The following DCDC2C variants were observed in gnomAD, a reference collection of about 807,000 sequenced individuals.
The protein encoded by DCDC2C is doublecortin domain containing 2C.
A neutral mutation model predicts 45.0 loss-of-function variants in DCDC2C; 44 were observed. The observed-to-expected ratio is 0.98, with a 90% confidence interval of 0.77 to 1.26. DCDC2C has a LOEUF of 1.26. Among genes scored for constraint, DCDC2C ranks in the 50% most tolerant of loss-of-function variants. DCDC2C has a pLI of 0.00. For missense variants in DCDC2C, 447 were observed against 468.9 expected (o/e 0.95, Z 0.43); for synonymous variants, 187 against 178.8 (o/e 1.05, Z -0.37).
chr2:3,837,706 C>G (rs138047912), intron 10 of DCDC2C, among the ~76,000 whole-genome samples: 1 of 42,060 alleles, frequency 2.4e-5, no homozygotes, highest in African/African-American at 7.3e-5. Context: ...GTTTCTCAAG[C>G]GCAACACCAT....
intron 7 of DCDC2C, 69 bp from the exon 8 acceptor site, chr2:3,769,242 C>A: frequency 6.9e-7 from 1 of 1,457,992 alleles, no homozygotes; most frequent in South Asian, 1.2e-5. Context: ...GGGTTTGGGT[C>A]AGGAAATATG....
At chr2:3,798,733 G>A (rs1671029712) in intron 10 of DCDC2C, among the ~76,000 whole-genome samples, 1 of 152,182 alleles carries the variant, frequency 6.6e-6, no homozygotes, top group South Asian at 2.1e-4. Context: ...TTTCTGCCGA[G>A]AGATCTGCTG....
At chr2:3,767,016 C>G (rs1290255157) in intron 6 of DCDC2C, among the ~76,000 whole-genome samples, 1 of 152,192 alleles carries the variant, frequency 6.6e-6, no homozygotes, top group East Asian at 1.9e-4. Context: ...GACGGCGATG[C>G]CAAAAGACTT....
Position 3,703,580 on chromosome 2 carries a change from C to T in DCDC2C, c.-172C>T, listed in dbSNP as rs1667929704. 6.5e-6 allele frequency: 4 copies of T among 612,084 alleles called. No homozygotes were observed. Among genetic ancestry groups the T allele is most frequent in the African/African-American group, 2.2e-5 (1 of 45,092 alleles). The allele number at this position is 612,084 out of a possible 1,614,324, so 37.9% of individuals were successfully genotyped here. On this transcript the variant is annotated 5_prime_UTR_variant, in exon 1 of 11. Coordinates refer to ENST00000399143, the MANE Select transcript of DCDC2C (RefSeq NM_001287444.2). The surrounding 1 kb of genome is among the most constrained non-coding windows in gnomAD (Gnocchi z 4.4). ...GCAGCCTCCGCCCGCCTGGCAGCCC[C>T]GTCCCGTCCCCGTCCAGCCCCCGTC... is the stretch of plus-strand genomic sequence containing the variant.
chr2:3,793,065 C>A (rs1435342910), intron 10 of DCDC2C, among the ~76,000 whole-genome samples: 1 of 152,120 alleles, frequency 6.6e-6, no homozygotes, highest in Non-Finnish European at 1.5e-5. Flanking sequence ...CTCGTTTGTT[C>A]ATCTTCAGGA....
rs189138903 is a variant in DCDC2C, at chr2:3,708,855, T to C, written c.339+255T>C. ...GTCATCTCTGAGGCACACCGTGCAA[T>C]TAATTCAAGTGTTCATTTTCCTTTT... On this transcript the variant is annotated intron_variant, in intron 2 of 10. Coordinates refer to ENST00000399143, the MANE Select transcript of DCDC2C (RefSeq NM_001287444.2). Among the ~76,000 whole-genome samples the C allele has an allele frequency of 5.3e-5, 8 of 152,350 alleles. No homozygotes were observed. In the East Asian group the frequency reaches 1.5e-3, roughly 29 times the overall value.
chr2:3,754,997 G>A (rs1055580588), intron 6 of DCDC2C, among the ~76,000 whole-genome samples: 1 of 152,210 alleles, frequency 6.6e-6, no homozygotes, highest in African/African-American at 2.4e-5. Context: ...GGGGGTGGGA[G>A]GAGGACATTC....
chr2:3,727,182 C>T (rs1388168199), intron 3 of DCDC2C, 103 bp downstream of exon 3: 3 of 832,902 alleles, frequency 3.6e-6, no homozygotes, highest in East Asian at 2.8e-5. Context: ...TTCTGTCCCT[C>T]CTCCCCTCCC....
rs541967946 is a variant in DCDC2C at position 3,765,536 on chromosome 2, A to G, written c.727-2218A>G. Among the ~76,000 whole-genome samples the G allele has an allele frequency of 3.5e-4, 54 of 152,300 alleles. 1 individual carries two copies. The highest frequency in any genetic ancestry group is 6.2e-4 in the Non-Finnish European group (42 of 68,026). On this transcript the variant is annotated intron_variant, in intron 6 of 10. Transcript: ENST00000399143. ...CTTAGATCATGAATACCACTGTGCT[A>G]GGTTAAGGAGTTTGGATGTCTTCCC...
Position 3,823,324 on chromosome 2 carries a change from G to A in DCDC2C, c.1066-23830G>A, listed in dbSNP as rs528064410. Among the ~76,000 whole-genome samples the A allele has an allele frequency of 1.1e-4, 16 of 151,464 alleles. 1 individual carries two copies. In the South Asian group the frequency reaches 3.1e-3, roughly 30 times the overall value. On this transcript the variant is annotated intron_variant, in intron 10 of 10. Coordinates refer to ENST00000399143, the MANE Select transcript of DCDC2C (RefSeq NM_001287444.2). ...TATTATTGATTTCTAACGTCATTCC[G>A]TTGTGTTCAGAGAACATGTAATTTC... is the stretch of plus-strand genomic sequence containing the variant.
intron 2 of DCDC2C, among the ~76,000 whole-genome samples, chr2:3,725,666 C>T (rs1448252162): frequency 5.7e-5 from 8 of 141,476 alleles, no homozygotes; most frequent in Admixed American, 2.2e-4. Context: ...GGGAGATGAG[C>T]AGAGAGTGAG....
At chr2:3,746,360 C>G (rs1669360933) in intron 4 of DCDC2C, among the ~76,000 whole-genome samples, 1 of 152,188 alleles carries the variant, frequency 6.6e-6, no homozygotes, top group African/African-American at 2.4e-5. Context: ...AGGCCAGGCC[C>G]TGGCCAGGGA....
intron 10 of DCDC2C, among the ~76,000 whole-genome samples, chr2:3,827,310 G>A (rs974144557): frequency 2.0e-5 from 3 of 152,172 alleles, no homozygotes; most frequent in Non-Finnish European, 2.9e-5. Context: ...AGGCAGCAGG[G>A]GCAGGGATGG....
intron 10 of DCDC2C, among the ~76,000 whole-genome samples, chr2:3,786,685 A>T (rs1314153374): frequency 7.0e-6 from 1 of 142,604 alleles, no homozygotes; most frequent in Non-Finnish European, 1.5e-5. Flanking sequence ...CTGTGCACGG[A>T]GCCTCCGGTG....
At chr2:3,712,395 A>G (rs576019911) in intron 2 of DCDC2C, among the ~76,000 whole-genome samples, 2 of 151,744 alleles carry the variant, frequency 1.3e-5, no homozygotes, top group Non-Finnish European at 2.9e-5. Flanking sequence ...GCCAGGTGCC[A>G]TGGCTCACAC....
In DCDC2C at chr2:3,703,885, C is replaced by T. The variant is rs1198823840; in HGVS notation, c.134C>T (p.Ala45Val). 6.1e-6 allele frequency: 8 copies of T among 1,314,374 alleles called. No individual in the cohort carries two copies. Among genetic ancestry groups the T allele is most frequent in the South Asian group, 4.3e-5 (2 of 46,706 alleles). The allele number at this position is 1,314,374 out of a possible 1,614,324, so 81.4% of individuals were successfully genotyped here. ...LSRRRAATFE[A>V]LLEQLTEQVD... Reference sequence around the variant, plus strand: ...CGGCGCCGCGCGGCCACCTTCGAGGCGCTGCTGGAGCAGCTCACGGAGCAG... The same window carrying T: ...CGGCGCCGCGCGGCCACCTTCGAGGTGCTGCTGGAGCAGCTCACGGAGCAG... Residue 45 changes from alanine (A) to valine (V), a missense_variant, in exon 1 of 11, where the codon GCG becomes GTG. Transcript: ENST00000399143. This position sits in a 1 kb window ranked among gnomAD's most constrained non-coding sequence, Gnocchi z 4.4.
At chr2:3,827,848 C>T (rs567660526) in intron 10 of DCDC2C, among the ~76,000 whole-genome samples, 5 of 152,172 alleles carry the variant, frequency 3.3e-5, no homozygotes, top group Admixed American at 6.5e-5. Context: ...AGAAAAGAAC[C>T]CATTGGGCAT....
chr2:3,770,604 T>C (rs74259159), intron 8 of DCDC2C, among the ~76,000 whole-genome samples: 15,428 of 152,280 alleles, frequency 0.1, 1,067 homozygotes, highest in East Asian at 0.3. Flanking sequence ...TATTGCCCAC[T>C]TAAGAGTTTT....
intron 4 of DCDC2C, among the ~76,000 whole-genome samples, chr2:3,746,653 CA>C (rs1256566007): frequency 6.6e-6 from 1 of 152,162 alleles, no homozygotes; most frequent in Non-Finnish European, 1.5e-5. Flanking sequence ...AGGTGATAAA[CA>C]ATCAAACAAA....
Sources: gnomAD v4.1 joint callset for allele counts (sites outside exome capture counted in the v4.1 genomes callset) on GRCh38, gnomAD v4.1.1 for gene constraint, Gnocchi (gnomAD v3.1) non-coding constraint, MANE v1.5 for transcripts, NCBI Gene and HGNC (gene_info 2026-07-23, HGNC 2026-07-21) for gene names.